The following OAS2 variants were observed in gnomAD, a reference collection of about 807,000 sequenced individuals.
The protein encoded by OAS2 is 2'-5'-oligoadenylate synthase 2.
In OAS2, 67 loss-of-function variants were observed where a neutral mutation model predicts 71.3. The ratio of observed to expected loss-of-function variants is 0.94; its 90% CI spans 0.77 to 1.15. OAS2 has a LOEUF of 1.15. Among genes scored for constraint, OAS2 ranks in the 50% most tolerant of loss-of-function variants. The probability of loss-of-function intolerance (pLI) is 0.00; values close to 1 mark genes in which losing one functional copy is unlikely to be tolerated. For missense variants in OAS2, 789 were observed against 822.5 expected (o/e 0.96, Z 0.50); for synonymous variants, 327 against 321.8 (o/e 1.02, Z -0.17).
intron 5 of OAS2, among the ~76,000 whole-genome samples, chr12:113,000,716 C>T (rs2044279229): frequency 6.6e-6 from 1 of 152,090 alleles, no homozygotes; most frequent in Admixed American, 6.6e-5. Flanking sequence ...ACCATGCACA[C>T]ACATGCACTC....
chr12:112,982,645 T>A (rs1446836124), intron 1 of OAS2, among the ~76,000 whole-genome samples: 1 of 152,222 alleles, frequency 6.6e-6, no homozygotes, highest in Non-Finnish European at 1.5e-5. Flanking sequence ...TTTTTTGTTG[T>A]GTCTTTGGTC....
intron 2 of OAS2, among the ~76,000 whole-genome samples, chr12:112,994,774 T>C (rs2136385375): frequency 6.6e-6 from 1 of 152,288 alleles, no homozygotes; most frequent in South Asian, 2.1e-4. Flanking sequence ...TGGAAACCCA[T>C]TGATTAAACC....
chr12:113,004,236 G>A (rs558421910), intron 6 of OAS2, among the ~76,000 whole-genome samples: 2 of 152,228 alleles, frequency 1.3e-5, no homozygotes, highest in South Asian at 4.2e-4. Context: ...GAAGGGGGCT[G>A]GAACAGGGAT....
At chr12:113,002,549 G>A (rs1218508074) in intron 5 of OAS2, among the ~76,000 whole-genome samples, 2 of 152,222 alleles carry the variant, frequency 1.3e-5, no homozygotes, top group Admixed American at 1.3e-4. Flanking sequence ...CAGCAAATGG[G>A]AAGACAGGGA....
At chr12:112,981,852 A>T (rs1053106149) in intron 1 of OAS2, among the ~76,000 whole-genome samples, 8 of 152,114 alleles carry the variant, frequency 5.3e-5, no homozygotes, top group African/African-American at 1.2e-4. Flanking sequence ...TGAGCATGGG[A>T]TGTCTTTCCA....
intron 5 of OAS2, 27 bp from the exon 6 acceptor site, chr12:113,002,905 C>T: frequency 6.2e-7 from 1 of 1,611,334 alleles, no homozygotes; most frequent in Non-Finnish European, 8.5e-7. Flanking sequence ...GTGCCACTCA[C>T]ACTTGGGGTC....
At chr12:112,993,871 C>T (rs961980467) in intron 2 of OAS2, among the ~76,000 whole-genome samples, 5 of 151,612 alleles carry the variant, frequency 3.3e-5, no homozygotes, top group Admixed American at 2.6e-4. Flanking sequence ...GACTCTGTCT[C>T]TAAAAGTAAG....
rs1181470014 is a variant in OAS2 at position 112,998,515 on chromosome 12, G to A, written c.1008+105G>A. 3.1e-6 allele frequency: 4 copies of A among 1,293,352 alleles called. No individual in the cohort carries two copies. The African/African-American group carries it at 4.7e-5, about 15-fold the overall frequency. The allele number at this position is 1,293,352 out of a possible 1,614,324, so 80.1% of individuals were successfully genotyped here. A position where few individuals can be genotyped will look rare whatever the true frequency, so the allele number is the denominator to read the frequency against. On this transcript the variant is annotated intron_variant, in intron 5 of 9. Transcript: ENST00000392583. ...GTACTCTATATTCGTTTCCTGTATT[G>A]CTGTTACAAAGTTCCACAACACAGA...
Position 113,009,298 on chromosome 12 carries a change from A to G in OAS2, c.*43A>G, listed in dbSNP as rs916973. 122,054 of 1,597,132 alleles carry G rather than the reference A, an allele frequency of 0.076. 5,227 individuals carry two copies. Among genetic ancestry groups the G allele is most frequent in the Middle Eastern group, 0.14 (809 of 5,952 alleles). On this transcript the variant is annotated 3_prime_UTR_variant, in exon 10 of 10. Transcript: ENST00000392583. ...AATAGCCCTGTAACAGGCTTGAATC[A>G]AAGAACTTCTCCTACTGTAGCAACC...
chr12:113,004,469 T>C (rs937790706), intron 6 of OAS2, among the ~76,000 whole-genome samples: 4 of 152,190 alleles, frequency 2.6e-5, no homozygotes, highest in African/African-American at 9.6e-5. Flanking sequence ...TCTGGCCCTT[T>C]TGCAGAAAGT....
intron 3 of OAS2, 92 bp downstream of exon 3, chr12:112,995,566 C>A: frequency 8.5e-7 from 1 of 1,172,880 alleles, no homozygotes; most frequent in Non-Finnish European, 1.2e-6. Flanking sequence ...CTTAGGTATA[C>A]AGCTCAACGC....
At chr12:112,991,245 T>C (rs2044189462) in intron 2 of OAS2, among the ~76,000 whole-genome samples, 1 of 152,256 alleles carries the variant, frequency 6.6e-6, no homozygotes, top group African/African-American at 2.4e-5. Flanking sequence ...CCTCTGGCTC[T>C]CTATGTCTGG....
chr12:112,996,348 T>C (rs2044231724), intron 3 of OAS2, among the ~76,000 whole-genome samples: 1 of 152,186 alleles, frequency 6.6e-6, no homozygotes, highest in African/African-American at 2.4e-5. Context: ...GGCTATCCAG[T>C]GCACATATAT....
Position 113,009,569 on chromosome 12 carries a change from T to A in OAS2, c.*314T>A. The A allele has an allele frequency of 9.5e-7, 1 of 1,055,272 alleles. No homozygotes were observed. Among genetic ancestry groups the A allele is most frequent in the East Asian group, 7.6e-5 (1 of 13,106 alleles). 65.4% of individuals were successfully genotyped at this position (1,055,272 alleles called of 1,614,324 possible). A position where few individuals can be genotyped will look rare whatever the true frequency, so the allele number is the denominator to read the frequency against. On this transcript the variant is annotated 3_prime_UTR_variant, in exon 10 of 10. Coordinates refer to ENST00000392583, the MANE Select transcript of OAS2 (RefSeq NM_002535.3). ...CTGGGTTCACAGATCTTTCTGCCTTTGGCTTTTGGCTCCACCCTCTTTAGC... is the reference window on the plus strand; with the variant it reads ...CTGGGTTCACAGATCTTTCTGCCTTAGGCTTTTGGCTCCACCCTCTTTAGC...
chr12:112,981,304 A>C (rs1312458178), intron 1 of OAS2, among the ~76,000 whole-genome samples: 2 of 152,072 alleles, frequency 1.3e-5, no homozygotes, highest in Non-Finnish European at 1.5e-5. Context: ...GACCAATATC[A>C]TGAAGCATTA....
intron 6 of OAS2, among the ~76,000 whole-genome samples, chr12:113,003,511 T>C (rs2044307055): frequency 6.6e-6 from 1 of 152,222 alleles, no homozygotes; most frequent in South Asian, 2.1e-4. Flanking sequence ...CAGTTACATC[T>C]GCGAAGACCC....
intron 2 of OAS2, chr12:112,988,741 T>C (rs2044163899): frequency 1.0e-6 from 1 of 985,126 alleles, no homozygotes; most frequent in Non-Finnish European, 1.2e-6. Flanking sequence ...TTCCTCCTTC[T>C]CCTTTCTGAG....
At chr12:112,984,508 T>A (rs11513733) in intron 1 of OAS2, among the ~76,000 whole-genome samples, 12,192 of 152,266 alleles carry the variant, frequency 0.08, 667 homozygotes, top group Non-Finnish European at 0.12. Flanking sequence ...GGACCTTATT[T>A]TTTATCCATT....
rs1444847796 is a variant in OAS2, at chr12:113,011,523, A to G, written c.*2268A>G. 1 of 152,218 alleles carries G rather than the reference A, an allele frequency of 6.6e-6. No individual in the cohort carries two copies. Among genetic ancestry groups the G allele is most frequent in the African/African-American group, 2.4e-5 (1 of 41,446 alleles). 9.4% of individuals were successfully genotyped at this position (152,218 alleles called of 1,614,324 possible). A position where few individuals can be genotyped will look rare whatever the true frequency, so the allele number is the denominator to read the frequency against. On this transcript the variant is annotated 3_prime_UTR_variant, in exon 10 of 10. Transcript: ENST00000392583. ...AATGCTGCCTATGTAAAGAAACCCC[A>G]ATAAAAACTCTGGACAGTGAGGCTT... is the stretch of plus-strand genomic sequence containing the variant.
Sources: allele counts gnomAD v4.1 joint callset (sites outside exome capture counted in the v4.1 genomes callset), GRCh38; gene constraint gnomAD v4.1.1; transcripts MANE v1.5; gene names NCBI Gene and HGNC (gene_info 2026-07-23, HGNC 2026-07-21).